Variants in TMEM132C observed in about 807,000 individuals in gnomAD.
TMEM132C encodes protein phosphatase 1, regulatory subunit 152.
TMEM132C carries 29 observed loss-of-function variants against 61.4 expected under a neutral mutation model. The observed-to-expected ratio is 0.47, with a 90% CI of 0.35 to 0.64. The LOEUF is 0.64. Among genes scored for constraint, TMEM132C ranks in the 30% least tolerant of loss-of-function variants. The pLI is 0.00. For synonymous variants in TMEM132C, 656 were observed against 633.1 expected (o/e 1.04, Z -0.54); for missense variants, 1,408 against 1,476.9 (o/e 0.95, Z 0.76).
At chr12:128,280,687 C>T (rs543759513) in intron 1 of TMEM132C, among the ~76,000 whole-genome samples, 43 of 152,258 alleles carry the variant, frequency 2.8e-4, no homozygotes, top group African/African-American at 9.4e-4. Flanking sequence ...GTGATTTACT[C>T]GGCCTGTTAT....
intron 4 of TMEM132C, among the ~76,000 whole-genome samples, chr12:128,666,622 A>G (rs1208059333): frequency 6.7e-5 from 10 of 150,266 alleles, no homozygotes; most frequent in African/African-American, 2.5e-4. Flanking sequence ...ATGGGAAAGC[A>G]AGGAGCGGAA....
At position 128,655,675 on chromosome 12, in the gene TMEM132C, C is replaced by T. The variant is rs528237322; in HGVS notation, c.1306-13742C>T. ...TAACAGCCTTGCTGTCAGCCTGGCT[C>T]CACAGGGGCACCCACCACCAGCAGC... On this transcript the variant is annotated intron_variant, in intron 4 of 8. Coordinates refer to ENST00000435159, the MANE Select transcript of TMEM132C (RefSeq NM_001136103.3). Among the ~76,000 whole-genome samples the T allele has an allele frequency of 3.9e-5, 6 of 152,174 alleles. No homozygotes were observed. In the East Asian group the frequency reaches 1.2e-3, roughly 29 times the overall value.
intron 2 of TMEM132C, among the ~76,000 whole-genome samples, chr12:128,471,649 TG>T (rs752122609): frequency 2.0e-5 from 3 of 152,126 alleles, no homozygotes; most frequent in Non-Finnish European, 4.4e-5. Context: ...TGAGACTGCT[TG>T]GGTGTAATAC....
intron 3 of TMEM132C, among the ~76,000 whole-genome samples, chr12:128,561,876 A>T (rs1019676566): frequency 6.6e-6 from 1 of 152,146 alleles, no homozygotes; most frequent in Non-Finnish European, 1.5e-5. Flanking sequence ...CTGGCACTAG[A>T]GGCTGCCCTT....
intron 2 of TMEM132C, among the ~76,000 whole-genome samples, chr12:128,462,296 G>A (rs1447024146): frequency 6.6e-6 from 1 of 152,120 alleles, no homozygotes; most frequent in Non-Finnish European, 1.5e-5. Context: ...TAGTAGAGAC[G>A]GGATTTCTCC....
At chr12:128,422,361 C>G (rs575406589) in intron 2 of TMEM132C, among the ~76,000 whole-genome samples, 1 of 152,198 alleles carries the variant, frequency 6.6e-6, no homozygotes, top group African/African-American at 2.4e-5. Context: ...GAAGAACTTG[C>G]GGGTAGGGGG....
chr12:128,550,602 GCTT>G (rs1228522086), intron 3 of TMEM132C, among the ~76,000 whole-genome samples: 2 of 152,164 alleles, frequency 1.3e-5, no homozygotes, highest in Non-Finnish European at 2.9e-5. Flanking sequence ...ACTGAACTTG[GCTT>G]CTTCATCTTC....
At position 128,326,107 on chromosome 12, in the gene TMEM132C, GATAA is replaced by G. The variant is rs1370921984; in HGVS notation, c.85+58624_85+58627del. Among the ~76,000 whole-genome samples the G allele has an allele frequency of 6.6e-6, 1 of 152,116 alleles. No individual in the cohort carries two copies. Among genetic ancestry groups the G allele is most frequent in the African/African-American group, 2.4e-5 (1 of 41,390 alleles). On this transcript the variant is annotated intron_variant, in intron 1 of 8. Coordinates refer to ENST00000435159, the MANE Select transcript of TMEM132C (RefSeq NM_001136103.3). This position sits in a 1 kb window ranked among gnomAD's most constrained non-coding sequence, Gnocchi z 5.6. ...ATGCATGCATTCATGTTTCTTCAAAGATAAATATCACTTCTGTCAGGTGAATAAA... is the reference window on the plus strand; with the variant it reads ...ATGCATGCATTCATGTTTCTTCAAAGATATCACTTCTGTCAGGTGAATAAA...
Position 128,544,079 on chromosome 12 carries a change from G to T in TMEM132C, c.1097G>T (p.Arg366Leu), listed in dbSNP as rs201621009. 2.6e-6 allele frequency: 4 copies of T among 1,542,140 alleles called. 1 individual carries two copies. In the South Asian group the frequency reaches 4.8e-5, roughly 19 times the overall value. ...KHVTATVACQ[R>L]LGPSPRNRSS... ...GTGACGGCCACCGTGGCCTGCCAGC[G>T]CCTGGGGCCCAGCCCACGCAACAGG... Residue 366 changes from arginine (R) to leucine (L), a missense_variant, in exon 3 of 9, where the codon CGC (arginine) becomes CTC (leucine). Transcript: ENST00000435159.
chr12:128,279,526 C>G (rs1870813318), intron 1 of TMEM132C, among the ~76,000 whole-genome samples: 1 of 152,182 alleles, frequency 6.6e-6, no homozygotes, highest in Non-Finnish European at 1.5e-5. Flanking sequence ...TAATCTCTGA[C>G]CCCGTAGCAT....
At chr12:128,284,834 T>C (rs1871008234) in intron 1 of TMEM132C, among the ~76,000 whole-genome samples, 1 of 152,186 alleles carries the variant, frequency 6.6e-6, no homozygotes, top group Admixed American at 6.5e-5. Flanking sequence ...TCTCATAGAA[T>C]AGAAGTAAAG....
At chr12:128,497,267 T>G (rs376043354) in intron 2 of TMEM132C, among the ~76,000 whole-genome samples, 13 of 152,364 alleles carry the variant, frequency 8.5e-5, no homozygotes, top group African/African-American at 2.4e-4. Context: ...CCAGTTAGGC[T>G]ACTCGGGGTC....
At chr12:128,512,951 T>C (rs1872611492) in intron 2 of TMEM132C, among the ~76,000 whole-genome samples, 1 of 152,172 alleles carries the variant, frequency 6.6e-6, no homozygotes, top group Non-Finnish European at 1.5e-5. Flanking sequence ...GGAACATAGA[T>C]CTCAGCCAGG....
intron 4 of TMEM132C, among the ~76,000 whole-genome samples, chr12:128,634,069 A>C (rs1954082428): frequency 6.6e-6 from 1 of 152,188 alleles, no homozygotes; most frequent in South Asian, 2.1e-4. Flanking sequence ...TGGTACAAGA[A>C]TCACATGCCT....
intron 3 of TMEM132C, among the ~76,000 whole-genome samples, chr12:128,612,246 G>C (rs188838040): frequency 1.3e-5 from 2 of 152,134 alleles, no homozygotes; most frequent in African/African-American, 4.8e-5. Context: ...TCTTCCTTTT[G>C]TCTGAGATCT....
At chr12:128,499,841 A>AC (rs1222855829) in intron 2 of TMEM132C, among the ~76,000 whole-genome samples, 2 of 152,222 alleles carry the variant, frequency 1.3e-5, no homozygotes, top group South Asian at 4.1e-4. Context: ...ATACTGCTGC[A>AC]ATAAACATGG....
chr12:128,435,480 A>G (rs1479458293), intron 2 of TMEM132C, among the ~76,000 whole-genome samples: 1 of 152,212 alleles, frequency 6.6e-6, no homozygotes, highest in Non-Finnish European at 1.5e-5. Context: ...ATGTGCAGAA[A>G]TCACAAGCAT....
Position 128,566,189 on chromosome 12 carries a change from C to CAAAAAAAA in TMEM132C, c.1121+22097_1121+22104dup, listed in dbSNP as rs59258589. Among the ~76,000 whole-genome samples, 91 of 67,816 alleles carry CAAAAAAAA rather than the reference C, an allele frequency of 1.3e-3. 2 individuals are homozygous for CAAAAAAAA. The highest frequency in any genetic ancestry group is 4.0e-3 in the African/African-American group (80 of 20,046). The allele number at this position is 67,816 out of a possible 152,430, so 44.5% of individuals were successfully genotyped here. ...ATAGGCATGAGACACCAAGCCTAAC[C>CAAAAAAAA]AAAAAAAAAAAAAAAAAAGTTTTAA... On this transcript the variant is annotated intron_variant, in intron 3 of 8. Coordinates refer to ENST00000435159, the MANE Select transcript of TMEM132C (RefSeq NM_001136103.3).
At chr12:128,565,281 T>A (rs1425750934) in intron 3 of TMEM132C, among the ~76,000 whole-genome samples, 3 of 152,194 alleles carry the variant, frequency 2.0e-5, no homozygotes, top group Non-Finnish European at 4.4e-5. Flanking sequence ...TGCCTTCATA[T>A]AAGACCCCGG....
Sources: gnomAD v4.1 joint callset for allele counts (sites outside exome capture counted in the v4.1 genomes callset) on GRCh38, gnomAD v4.1.1 for gene constraint, Gnocchi (gnomAD v3.1) non-coding constraint, MANE v1.5 for transcripts, NCBI Gene and HGNC (gene_info 2026-07-23, HGNC 2026-07-21) for gene names.